SHISA9: variants seen among roughly 807,000 people sequenced by gnomAD.
The protein encoded by SHISA9 is shisa family member 9, also known as protein shisa-9.
SHISA9 carries 13 observed loss-of-function variants against 38.0 expected under a neutral mutation model. That is an observed-to-expected ratio of 0.34 (90% CI 0.22 to 0.54). The LOEUF is 0.54. SHISA9 is among the 20% of genes least tolerant of loss of function. The pLI, the probability that SHISA9 is intolerant of heterozygous loss-of-function variation, is 0.91. For synonymous variants in SHISA9, 275 were observed against 242.0 expected (o/e 1.14, Z -1.27); for missense variants, 538 against 575.8 (o/e 0.93, Z 0.67).
At chr16:13,479,678 C>T in the SHISA9 span, among the ~76,000 whole-genome samples, 22 of 152,276 alleles carry the variant, frequency 1.4e-4, no homozygotes, top group African/African-American at 3.1e-4. Flanking sequence ...CCCTTCCTCA[C>T]GGCTGCATGA....
chr16:13,168,467 A>G (rs980343146), intron 2 of SHISA9, among the ~76,000 whole-genome samples: 1 of 152,220 alleles, frequency 6.6e-6, no homozygotes, highest in South Asian at 2.1e-4. Context: ...CCATTGGCCA[A>G]CATATAATCA....
the SHISA9 span, among the ~76,000 whole-genome samples, chr16:13,291,616 A>G: frequency 6.6e-6 from 1 of 152,210 alleles, no homozygotes; most frequent in Admixed American, 6.5e-5. Flanking sequence ...GATCACATAT[A>G]TGCATGCGTG....
chr16:13,222,216 C>T (rs114026391), intron 4 of SHISA9, among the ~76,000 whole-genome samples: 71,638 of 151,770 alleles, frequency 0.47, 17,721 homozygotes, highest in East Asian at 0.75. Flanking sequence ...TCCCAAGACA[C>T]TTGGGAATCA....
At chr16:13,509,396 T>C in the SHISA9 span, among the ~76,000 whole-genome samples, 6 of 152,278 alleles carry the variant, frequency 3.9e-5, no homozygotes, top group East Asian at 1.2e-3. Context: ...ATGCCTCCAT[T>C]TCCCAGCCCT....
At chr16:12,964,265 A>G (rs1462533846) in intron 2 of SHISA9, among the ~76,000 whole-genome samples, 1 of 152,228 alleles carries the variant, frequency 6.6e-6, no homozygotes, top group African/African-American at 2.4e-5. Context: ...CACAGCAGGC[A>G]TTCAATAAAT....
chr16:13,092,765 C>G (rs1450208254), intron 2 of SHISA9, among the ~76,000 whole-genome samples: 1 of 152,184 alleles, frequency 6.6e-6, no homozygotes, highest in Non-Finnish European at 1.5e-5. Flanking sequence ...TCCCCCAACC[C>G]CTTGTGCTTC....
chr16:13,162,625 C>T (rs1282886611), intron 2 of SHISA9, among the ~76,000 whole-genome samples: 2 of 152,122 alleles, frequency 1.3e-5, no homozygotes, highest in Admixed American at 1.3e-4. Context: ...AGTAGCCCAC[C>T]CCTTGGCCTT....
At chr16:13,459,842 T>A in the SHISA9 span, among the ~76,000 whole-genome samples, 7 of 152,036 alleles carry the variant, frequency 4.6e-5, no homozygotes, top group African/African-American at 1.7e-4. Context: ...AGATAAGGGG[T>A]ATGGGAAAAG....
chr16:13,211,470 T>A (rs1052154651), intron 3 of SHISA9, among the ~76,000 whole-genome samples: 17 of 152,210 alleles, frequency 1.1e-4, no homozygotes, highest in Admixed American at 9.2e-4. Context: ...AAGCATACAC[T>A]TGGTTATCCA....
At chr16:13,129,989 C>T (rs765104268) in intron 2 of SHISA9, among the ~76,000 whole-genome samples, 1 of 152,144 alleles carries the variant, frequency 6.6e-6, no homozygotes, top group African/African-American at 2.4e-5. Flanking sequence ...CATTCTTCGC[C>T]ATTAGTAGCA....
intron 2 of SHISA9, among the ~76,000 whole-genome samples, chr16:13,162,479 C>G (rs1243147421): frequency 1.3e-5 from 2 of 152,156 alleles, no homozygotes; most frequent in East Asian, 3.8e-4. Context: ...AATCACTGCG[C>G]TGAGCATACA....
intron 2 of SHISA9, among the ~76,000 whole-genome samples, chr16:13,109,149 C>T (rs1345394154): frequency 6.6e-6 from 1 of 152,194 alleles, no homozygotes; most frequent in Non-Finnish European, 1.5e-5. Flanking sequence ...ACCTCATCCT[C>T]CTGAGTAGCC....
At chr16:12,942,408 T>C (rs1205423644) in intron 2 of SHISA9, among the ~76,000 whole-genome samples, 1 of 152,166 alleles carries the variant, frequency 6.6e-6, no homozygotes, top group Non-Finnish European at 1.5e-5. Flanking sequence ...TCAGACCACA[T>C]TGCCTTTCTT....
At chr16:13,289,615 G>C in the SHISA9 span, among the ~76,000 whole-genome samples, 1 of 151,818 alleles carries the variant, frequency 6.6e-6, no homozygotes, top group Non-Finnish European at 1.5e-5. Context: ...AAGAAGGAAG[G>C]AGAAAAATTG....
chr16:13,439,020 C>T, the SHISA9 span, among the ~76,000 whole-genome samples: 1 of 152,084 alleles, frequency 6.6e-6, no homozygotes, highest in Non-Finnish European at 1.5e-5. Flanking sequence ...AATATGGATG[C>T]CCCTAGAGGA....
chr16:13,190,724 G>T (rs2050876840), intron 2 of SHISA9, among the ~76,000 whole-genome samples: 1 of 152,122 alleles, frequency 6.6e-6, no homozygotes. Flanking sequence ...ATGAATCTCT[G>T]TCCCCCAGAG....
At chr16:13,554,761 C>A in the SHISA9 span, among the ~76,000 whole-genome samples, 2 of 152,150 alleles carry the variant, frequency 1.3e-5, no homozygotes, top group African/African-American at 4.8e-5. Flanking sequence ...CAAAGAGCCA[C>A]CGTGCCCAGT....
At chr16:13,515,112 T>C in the SHISA9 span, among the ~76,000 whole-genome samples, 8 of 152,122 alleles carry the variant, frequency 5.3e-5, no homozygotes, top group African/African-American at 1.9e-4. Flanking sequence ...CTTTCAAAAC[T>C]GAAGGTGATG....
chr16:13,270,579 T>G, the SHISA9 span, among the ~76,000 whole-genome samples: 1 of 152,122 alleles, frequency 6.6e-6, no homozygotes, highest in Non-Finnish European at 1.5e-5. Context: ...GCCAACAAAT[T>G]GTAGTCAAAA....
Sources: allele counts gnomAD v4.1 joint callset (sites outside exome capture counted in the v4.1 genomes callset), GRCh38; gene constraint gnomAD v4.1.1; transcripts MANE v1.5; gene names NCBI Gene and HGNC (gene_info 2026-07-23, HGNC 2026-07-21).